TRHDE: variants seen among roughly 807,000 people sequenced by gnomAD.
TRHDE encodes the protein thyrotropin-releasing hormone-degrading ectoenzyme.
Under a neutral mutation model 125.7 loss-of-function variants are expected in TRHDE, and 72 were observed. That is an observed-to-expected ratio of 0.57 (90% CI 0.47 to 0.70). The LOEUF is 0.70. TRHDE is among the 30% of genes least tolerant of loss of function. TRHDE has a pLI of 0.00. For missense variants in TRHDE, 1,110 were observed against 1,327.1 expected, an observed-to-expected ratio of 0.84 and a Z score of 2.54; for synonymous variants, 509 against 509.1, an observed-to-expected ratio of 1.00 and a Z score of 0.00.
intron 6 of TRHDE, among the ~76,000 whole-genome samples, chr12:72,530,381 G>A (rs528270221): frequency 5.3e-5 from 6 of 114,224 alleles, no homozygotes; most frequent in South Asian, 2.8e-4. Flanking sequence ...ATCATTTTAC[G>A]TTTGAAACAC....
intron 7 of TRHDE, among the ~76,000 whole-genome samples, chr12:72,556,754 AT>A (rs35039282): frequency 1.3e-5 from 2 of 152,172 alleles, no homozygotes; most frequent in Non-Finnish European, 2.9e-5. Flanking sequence ...CACACTACAA[AT>A]TTTTTTGAGG....
chr12:72,654,884 T>G (rs1249009862), intron 17 of TRHDE, among the ~76,000 whole-genome samples: 5 of 152,146 alleles, frequency 3.3e-5, no homozygotes, highest in Admixed American at 2.6e-4. Context: ...ATAAACACAC[T>G]TTAGCCTCTT....
At chr12:72,371,359 C>T (rs146654954) in intron 2 of TRHDE, among the ~76,000 whole-genome samples, 19 of 150,564 alleles carry the variant, frequency 1.3e-4, no homozygotes, top group Admixed American at 4.0e-4. Context: ...CAAAATATTT[C>T]GACTCACAAA....
At chr12:72,162,957 C>A in intron 2 of TRHDE, 1 of 146,994 alleles carries the variant, frequency 6.8e-6, no homozygotes. Flanking sequence ...GTGATAGGCT[C>A]AATATTTTAA....
At chr12:72,437,677 G>A (rs950215512) in intron 3 of TRHDE, among the ~76,000 whole-genome samples, 11 of 151,704 alleles carry the variant, frequency 7.3e-5, no homozygotes, top group Admixed American at 2.6e-4. Flanking sequence ...ACATGCAATT[G>A]CATGTATTTA....
At chr12:72,619,790 C>G (rs306020) in intron 13 of TRHDE, among the ~76,000 whole-genome samples, 291 of 152,188 alleles carry the variant, frequency 1.9e-3, no homozygotes, top group Middle Eastern at 0.01. Context: ...TAAGAGCCTG[C>G]CCTGTGTTTT....
intron 2 of TRHDE, among the ~76,000 whole-genome samples, chr12:72,227,228 A>G (rs979393138): frequency 2.0e-5 from 3 of 152,202 alleles, no homozygotes; most frequent in African/African-American, 7.2e-5. Context: ...AGACATACCT[A>G]AGACTGGAAA....
intron 2 of TRHDE, among the ~76,000 whole-genome samples, chr12:72,212,799 A>T (rs930787270): frequency 6.6e-6 from 1 of 152,194 alleles, no homozygotes; most frequent in East Asian, 1.9e-4. Context: ...CTAAACATAG[A>T]GTTATCATAG....
chr12:72,542,250 C>A lies in TRHDE; in HGVS notation c.1723-41C>A, dbSNP rs772632755. 13 of 1,465,186 alleles carry A rather than the reference C, an allele frequency of 8.9e-6. No homozygotes were observed. The South Asian group carries it at 1.7e-4, about 20-fold the overall frequency. The allele number at this position is 1,465,186 out of a possible 1,614,324, so 90.8% of individuals were successfully genotyped here. A position where few individuals can be genotyped will look rare whatever the true frequency, so the allele number is the denominator to read the frequency against. ...GTAAAACAACTTTACAATCATGATACTTTGTTGAAATTCTGTTCTTTTTAT... is the reference window on the plus strand; with the variant it reads ...GTAAAACAACTTTACAATCATGATAATTTGTTGAAATTCTGTTCTTTTTAT... On this transcript the variant is annotated intron_variant, in intron 6 of 18. Transcript: ENST00000261180.
intron 2 of TRHDE, among the ~76,000 whole-genome samples, chr12:72,240,937 A>T (rs979197693): frequency 2.0e-5 from 3 of 152,108 alleles, no homozygotes; most frequent in African/African-American, 4.8e-5. Flanking sequence ...ATCTCGATTC[A>T]ATCTAGAAAT....
intron 1 of TRHDE, among the ~76,000 whole-genome samples, chr12:72,285,916 T>C (rs887921164): frequency 1.3e-5 from 2 of 152,242 alleles, no homozygotes; most frequent in African/African-American, 4.8e-5. Flanking sequence ...TTTAATAAGA[T>C]ACGGCTTGAT....
At chr12:72,406,190 G>A (rs991163235) in intron 3 of TRHDE, among the ~76,000 whole-genome samples, 8 of 152,144 alleles carry the variant, frequency 5.3e-5, no homozygotes, top group East Asian at 1.9e-4. Context: ...AGAATGTGCC[G>A]TGACAAATCT....
intron 12 of TRHDE, among the ~76,000 whole-genome samples, chr12:72,581,623 T>A (rs918647732): frequency 1.3e-5 from 2 of 152,232 alleles, no homozygotes; most frequent in African/African-American, 2.4e-5. Context: ...GTAACATTTT[T>A]AAAATTCTGT....
chr12:72,233,346 AG>A (rs1235020802), intron 2 of TRHDE, among the ~76,000 whole-genome samples: 2 of 152,134 alleles, frequency 1.3e-5, no homozygotes, highest in African/African-American at 4.8e-5. Context: ...CTTATTCTCA[AG>A]GGGGGCAGAA....
In TRHDE at chr12:72,620,338, CAAAAAAAAAA is replaced by C. The variant is rs3080963; in HGVS notation, c.2470-756_2470-747del. Among the ~76,000 whole-genome samples, 573 of 67,490 alleles carry C rather than the reference CAAAAAAAAAA, an allele frequency of 8.5e-3. 3 individuals carry two copies. The highest frequency in any genetic ancestry group is 0.016 in the Non-Finnish European group (452 of 28,828). The allele number at this position is 67,490 out of a possible 152,430, so 44.3% of individuals were successfully genotyped here. Reference sequence around the variant, plus strand: ...GGCAACATGGTGAAACCCATCTCTACAAAAAAAAAAAAAAAAAAAAAAAGAAATACAAAAA... The same window carrying C: ...GGCAACATGGTGAAACCCATCTCTACAAAAAAAAAAAAAGAAATACAAAAA... On this transcript the variant is annotated intron_variant, in intron 13 of 18. Transcript: ENST00000261180.
At chr12:72,367,752 G>A (rs922624336) in intron 2 of TRHDE, among the ~76,000 whole-genome samples, 1 of 152,094 alleles carries the variant, frequency 6.6e-6, no homozygotes, top group Non-Finnish European at 1.5e-5. Flanking sequence ...AGTGCATTGT[G>A]GTTTTGGAAT....
intron 6 of TRHDE, among the ~76,000 whole-genome samples, chr12:72,533,847 T>G (rs1161816040): frequency 6.6e-6 from 1 of 152,102 alleles, no homozygotes; most frequent in African/African-American, 2.4e-5. Context: ...CCTACACTGT[T>G]GAAAGTTTTT....
chr12:72,596,824 T>C (rs1386714682), intron 12 of TRHDE, among the ~76,000 whole-genome samples: 1 of 152,166 alleles, frequency 6.6e-6, no homozygotes, highest in Non-Finnish European at 1.5e-5. Flanking sequence ...AACAGATGAA[T>C]GTAGAAGAAG....
chr12:72,196,636 C>T (rs953840362), intron 2 of TRHDE, among the ~76,000 whole-genome samples: 2 of 152,046 alleles, frequency 1.3e-5, no homozygotes, highest in Admixed American at 1.3e-4. Flanking sequence ...ATCTTTTCAC[C>T]TACTTATACC....
Sources: gnomAD v4.1 joint callset for allele counts (sites outside exome capture counted in the v4.1 genomes callset) on GRCh38, gnomAD v4.1.1 for gene constraint, MANE v1.5 for transcripts, NCBI Gene and HGNC (gene_info 2026-07-23, HGNC 2026-07-21) for gene names.